Variants in PEX5L observed in about 807,000 individuals in gnomAD.
PEX5L encodes peroxisomal biogenesis factor 5 like, also known as PEX5-related protein.
In PEX5L, 30 loss-of-function variants were observed where a neutral mutation model predicts 84.0. The ratio of observed to expected loss-of-function variants is 0.36; its 90% confidence interval spans 0.27 to 0.48. The LOEUF (loss-of-function observed/expected upper bound fraction) is 0.48. Ranked by LOEUF, PEX5L falls within the 20% of genes least tolerant of loss-of-function variation. The pLI, the probability that PEX5L is intolerant of heterozygous loss-of-function variation, is 0.99. For missense variants in PEX5L, 533 were observed against 754.6 expected (o/e 0.71, Z 3.44); for synonymous variants, 270 against 283.1 (o/e 0.95, Z 0.46).
rs112258617 is a variant in PEX5L, at chr3:179,911,412, G to C, written c.94-13166C>G. Among the ~76,000 whole-genome samples, 914 of 151,510 alleles carry C rather than the reference G, an allele frequency of 6.0e-3. 12 individuals are homozygous for C. Among genetic ancestry groups the C allele is most frequent in the East Asian group, 0.031 (157 of 5,128 alleles). On this transcript the variant is annotated intron_variant, in intron 2 of 14. Transcript: ENST00000467460. ...CAATAATACTTTCTTGTGTGATCTC[G>C]GGCAGAGATCTTTTTTTTCTCTAAG...
At chr3:179,818,129 A>G (rs1384686254) in intron 9 of PEX5L, among the ~76,000 whole-genome samples, 1 of 152,226 alleles carries the variant, frequency 6.6e-6, no homozygotes, top group Non-Finnish European at 1.5e-5. Flanking sequence ...ACTTAGTGTA[A>G]GAGTAGATAC....
chr3:179,805,638 T>G (rs1721017492), intron 14 of PEX5L, among the ~76,000 whole-genome samples: 1 of 152,218 alleles, frequency 6.6e-6, no homozygotes, highest in Admixed American at 6.5e-5. Context: ...TACAGTAACA[T>G]CCCATGCAAT....
intron 8 of PEX5L, among the ~76,000 whole-genome samples, chr3:179,838,216 T>C (rs749486142): frequency 6.6e-6 from 1 of 152,202 alleles, no homozygotes; most frequent in African/African-American, 2.4e-5. Context: ...TCCACTTGTG[T>C]TTTGTCTGTT....
Position 179,960,521 on chromosome 3 carries a change from T to G in PEX5L, c.93+11073A>C, listed in dbSNP as rs550971956. Among the ~76,000 whole-genome samples the G allele has an allele frequency of 1.2e-4, 19 of 152,318 alleles. No homozygotes were observed. In the South Asian group the frequency reaches 3.9e-3, roughly 32 times the overall value. On this transcript the variant is annotated intron_variant, in intron 2 of 14. Coordinates refer to ENST00000467460, the MANE Select transcript of PEX5L (RefSeq NM_016559.3). ...GTGCTCACCAGTAAGCTAAGCAGTG[T>G]TGGGGTCCATGGGGTATTGCTACTG... is the stretch of plus-strand genomic sequence containing the variant.
chr3:179,905,843 T>C (rs770364846), intron 2 of PEX5L, among the ~76,000 whole-genome samples: 1 of 152,232 alleles, frequency 6.6e-6, no homozygotes, highest in Non-Finnish European at 1.5e-5. Context: ...TGTGTTAATA[T>C]CTTCTGAACC....
chr3:180,023,093 T>C (rs1790563419), intron 1 of PEX5L, among the ~76,000 whole-genome samples: 1 of 152,208 alleles, frequency 6.6e-6, no homozygotes, highest in Non-Finnish European at 1.5e-5. Flanking sequence ...GAATTTGCTA[T>C]GCAGGCGCAA....
intron 8 of PEX5L, among the ~76,000 whole-genome samples, chr3:179,835,394 T>C (rs1341040584): frequency 6.6e-6 from 1 of 152,090 alleles, no homozygotes; most frequent in African/African-American, 2.4e-5. Context: ...ACTTTTCTTA[T>C]ATCATTTGAA....
chr3:179,917,953 C>T (rs563509720), intron 2 of PEX5L, among the ~76,000 whole-genome samples: 181 of 152,300 alleles, frequency 1.2e-3, no homozygotes, highest in Non-Finnish European at 2.3e-3. Context: ...GCCACTGCGC[C>T]TGGCCTTGAA....
rs755047184 is a variant in PEX5L at position 179,994,137 on chromosome 3, G to A, written c.22-22472C>T. 3.8e-4 allele frequency among the ~76,000 whole-genome samples: 58 copies of A among 152,130 alleles called. 1 individual carries two copies. Among genetic ancestry groups the A allele is most frequent in the Admixed American group, 2.0e-4 (3 of 15,280 alleles). On this transcript the variant is annotated intron_variant, in intron 1 of 14. Transcript: ENST00000467460. ...GGTGGACATTCAGGTTTTTAGATCA[G>A]TTTGCTGTTGTCCAGCTTGCCAACT...
intron 7 of PEX5L, among the ~76,000 whole-genome samples, chr3:179,860,707 GCT>G (rs1745784009): frequency 6.6e-6 from 1 of 152,178 alleles, no homozygotes; most frequent in Non-Finnish European, 1.5e-5. Context: ...ACCAGACACC[GCT>G]CTAAGTAATT....
At chr3:179,956,133 A>T (rs78747877) in intron 2 of PEX5L, among the ~76,000 whole-genome samples, 3,834 of 152,252 alleles carry the variant, frequency 0.025, 168 homozygotes, top group African/African-American at 0.089. Context: ...GGAAACTATT[A>T]TCATTTTGCT....
chr3:179,965,947 C>T lies in PEX5L; in HGVS notation c.93+5647G>A, dbSNP rs117897363. 1.1e-3 allele frequency among the ~76,000 whole-genome samples: 172 copies of T among 152,212 alleles called. 2 individuals are homozygous for T. The East Asian group carries it at 0.029, about 26-fold the overall frequency. On this transcript the variant is annotated intron_variant, in intron 2 of 14. Transcript: ENST00000467460. ...GGAAGAAATTTCCCCCTTCTGTGTACAATATTTATTGATGATAAATAGTTT... is the reference window on the plus strand; with the variant it reads ...GGAAGAAATTTCCCCCTTCTGTGTATAATATTTATTGATGATAAATAGTTT...
intron 2 of PEX5L, among the ~76,000 whole-genome samples, chr3:179,936,337 A>ACTTGTGGAAGACAAGTACAT (rs1387192651): frequency 2.6e-5 from 4 of 152,322 alleles, no homozygotes; most frequent in African/African-American, 4.8e-5. Context: ...TCATCTATGT[A>ACTTGTGGAAGACAAGTACAT]CTTGAACATG....
At chr3:179,916,377 T>C (rs1259600998) in intron 2 of PEX5L, among the ~76,000 whole-genome samples, 1 of 152,170 alleles carries the variant, frequency 6.6e-6, no homozygotes. Flanking sequence ...AGCATTTGTG[T>C]ATCCAAACAT....
chr3:179,944,482 G>A (rs928291550), intron 2 of PEX5L, among the ~76,000 whole-genome samples: 2 of 152,268 alleles, frequency 1.3e-5, no homozygotes, highest in African/African-American at 4.8e-5. Context: ...AGACTGTTAC[G>A]AGGAATAAAC....
intron 1 of PEX5L, among the ~76,000 whole-genome samples, chr3:180,002,359 T>A (rs181068430): frequency 4.1e-4 from 63 of 152,278 alleles, no homozygotes; most frequent in Middle Eastern, 6.8e-3. Context: ...TTCTTAGTTA[T>A]GCCTTTTCTC....
chr3:179,976,972 C>T (rs1785862647), intron 1 of PEX5L, among the ~76,000 whole-genome samples: 1 of 152,112 alleles, frequency 6.6e-6, no homozygotes, highest in African/African-American at 2.4e-5. Flanking sequence ...CAGCAACGAT[C>T]CTTTGGAGAG....
Position 179,901,564 on chromosome 3 carries a change from T to C in PEX5L, c.94-3318A>G, listed in dbSNP as rs114984150. On this transcript the variant is annotated intron_variant, in intron 2 of 14. Transcript: ENST00000467460. Reference sequence around the variant, plus strand: ...ATATTGTGGTATCCTCCAGCAATAATTTCAGCCTATTTCTTTTCAAGTAAT... The same window carrying C: ...ATATTGTGGTATCCTCCAGCAATAACTTCAGCCTATTTCTTTTCAAGTAAT... Among the ~76,000 whole-genome samples the C allele has an allele frequency of 4.3e-3, 654 of 152,350 alleles. 6 individuals carry two copies. The highest frequency in any genetic ancestry group is 0.015 in the African/African-American group (625 of 41,584).
chr3:179,811,944 C>T, intron 10 of PEX5L, 73 bp from the exon 11 acceptor site: 1 of 1,181,126 alleles, frequency 8.5e-7, no homozygotes, highest in Non-Finnish European at 1.3e-6. Context: ...GGTTTGTTGA[C>T]CTGTGATGGA....
Sources: gnomAD v4.1 joint callset for allele counts (sites outside exome capture counted in the v4.1 genomes callset) on GRCh38, gnomAD v4.1.1 for gene constraint, MANE v1.5 for transcripts, NCBI Gene and HGNC (gene_info 2026-07-23, HGNC 2026-07-21) for gene names.